PCDHA10: variants seen among roughly 807,000 people sequenced by gnomAD.
PCDHA10 encodes the protein protocadherin alpha-10.
PCDHA10 carries 45 observed loss-of-function variants against 61.2 expected under a neutral mutation model. The observed-to-expected ratio is 0.74, with a 90% confidence interval of 0.58 to 0.94. The LOEUF is 0.94. Ranked by LOEUF, PCDHA10 falls within the 40% of genes least tolerant of loss-of-function variation. PCDHA10 has a pLI of 0.00. For missense variants in PCDHA10, 1,278 were observed against 1,236.2 expected, an observed-to-expected ratio of 1.03 and a Z score of -0.51; for synonymous variants, 602 against 548.8, an observed-to-expected ratio of 1.10 and a Z score of -1.35.
intron 1 of PCDHA10, among the ~76,000 whole-genome samples, chr5:140,886,020 A>G (rs1402901328): frequency 2.0e-5 from 3 of 152,182 alleles, no homozygotes; most frequent in African/African-American, 7.2e-5. Flanking sequence ...GATGCTATGT[A>G]TTCTTCACTA....
chr5:140,962,796 A>T (rs1248367259), intron 1 of PCDHA10, among the ~76,000 whole-genome samples: 1 of 152,222 alleles, frequency 6.6e-6, no homozygotes, highest in Non-Finnish European at 1.5e-5. Flanking sequence ...ACTACTTTGG[A>T]CAACTCTAAA....
intron 3 of PCDHA10, among the ~76,000 whole-genome samples, chr5:140,994,538 A>G (rs1554254218): frequency 1.8e-5 from 2 of 111,930 alleles, no homozygotes; most frequent in African/African-American, 9.1e-5. Context: ...CCCCATCTCT[A>G]CAAAAAAAAT....
chr5:140,883,231 G>A, intron 1 of PCDHA10: 1 of 1,613,930 alleles, frequency 6.2e-7, no homozygotes, highest in Non-Finnish European at 8.5e-7. Context: ...TATCCGTGGA[G>A]GCAGTTGACA....
rs147581214 is a variant in PCDHA10, at chr5:140,857,154, C to G, written c.1106C>G (p.Ala369Gly). 87 of 1,598,228 alleles carry G rather than the reference C, an allele frequency of 5.4e-5. 8 individuals carry two copies. Among genetic ancestry groups the G allele is most frequent in the Non-Finnish European group, 7.1e-5 (83 of 1,167,802 alleles). The change falls in exon 1 of 4, where the codon GCC (alanine) becomes GGC (glycine). Residue 369 changes from alanine (A) to glycine (G), a missense_variant. Physicochemically the swap from Ala to Gly is moderately conservative, Grantham distance 60. Coordinates refer to ENST00000307360, the MANE Select transcript of PCDHA10 (RefSeq NM_018901.4). ...GATGCTCAAGTGGGCACCGTCATTG[C>G]CCTAATCAGCGTTTCTGACCATGAT... Reference protein sequence around the residue: ...KEDAQVGTVIALISVSDHDSG... With the variant: ...KEDAQVGTVIGLISVSDHDSG...
intron 3 of PCDHA10, among the ~76,000 whole-genome samples, chr5:140,994,795 G>A (rs2097650396): frequency 6.6e-6 from 1 of 152,184 alleles, no homozygotes; most frequent in Admixed American, 6.6e-5. Flanking sequence ...ATGCGTGCAT[G>A]CAAAAACAAA....
In PCDHA10 at chr5:141,010,171, A is replaced by G. The variant is rs2098416277; in HGVS notation, c.*234A>G. On this transcript the variant is annotated 3_prime_UTR_variant, in exon 4 of 4. Transcript: ENST00000307360. ...CCACTCTGGCTTGTTTTCAGAACCTAAAAAGCAGACCCAAGTTTCCTTTCT... is the reference window on the plus strand; with the variant it reads ...CCACTCTGGCTTGTTTTCAGAACCTGAAAAGCAGACCCAAGTTTCCTTTCT... The G allele has an allele frequency of 3.2e-6, 5 of 1,559,030 alleles. No individual in the cohort carries two copies. Among genetic ancestry groups the G allele is most frequent in the Non-Finnish European group, 4.3e-6 (5 of 1,150,704 alleles).
chr5:141,005,463 G>A (rs2098214977), intron 3 of PCDHA10, among the ~76,000 whole-genome samples: 1 of 151,944 alleles, frequency 6.6e-6, no homozygotes. Context: ...CAGCACTTTG[G>A]GAGGCCGAGA....
At chr5:140,877,041 A>C (rs782570873) in intron 1 of PCDHA10, 1 of 1,612,586 alleles carries the variant, frequency 6.2e-7, no homozygotes, top group Non-Finnish European at 8.5e-7. Context: ...TGCAGCCGCT[A>C]GACCACGAGG....
At chr5:140,933,512 A>C (rs2089201610) in intron 1 of PCDHA10, among the ~76,000 whole-genome samples, 1 of 152,078 alleles carries the variant, frequency 6.6e-6, no homozygotes, top group African/African-American at 2.4e-5. Context: ...CAAAGACTAC[A>C]GCTGTTTTGT....
At chr5:140,863,248 G>T (rs782700291) in intron 1 of PCDHA10, 54 of 1,395,948 alleles carry the variant, frequency 3.9e-5, no homozygotes, top group Middle Eastern at 1.9e-4. Flanking sequence ...TTTGGCGGGC[G>T]TCGAGGTCCG....
At chr5:140,877,269 T>A in intron 1 of PCDHA10, 1 of 1,613,758 alleles carries the variant, frequency 6.2e-7, no homozygotes. Flanking sequence ...CGGTGGACGC[T>A]GACTCCGGCT....
At chr5:140,926,949 G>A in intron 1 of PCDHA10, 3 of 1,592,316 alleles carry the variant, frequency 1.9e-6, no homozygotes, top group Non-Finnish European at 2.6e-6. Context: ...GCGCTGCAGC[G>A]GGACAGCTCG....
chr5:140,921,165 A>G (rs959305878), intron 1 of PCDHA10, among the ~76,000 whole-genome samples: 1 of 151,798 alleles, frequency 6.6e-6, no homozygotes, highest in Admixed American at 6.6e-5. Context: ...TTTTTTTAAC[A>G]CACATAAAGC....
chr5:140,893,198 C>T (rs1242904411), intron 1 of PCDHA10, among the ~76,000 whole-genome samples: 2 of 152,164 alleles, frequency 1.3e-5, no homozygotes, highest in Admixed American at 6.5e-5. Flanking sequence ...AATAGTGCTG[C>T]AGTAAGTATG....
rs373157192 is a variant in PCDHA10 at position 140,869,487 on chromosome 5, C to T, written c.2388+11051C>T. On this transcript the variant is annotated intron_variant, in intron 1 of 3. Transcript: ENST00000307360. ...ACGTGGAGGTGAAGGACATTAACGA[C>T]AACCCGCCGGTGTTCTCGCTCAGAG... The T allele has an allele frequency of 5.2e-5, 84 of 1,614,180 alleles. No homozygotes were observed. The African/African-American group carries it at 8.9e-4, about 17-fold the overall frequency.
At chr5:140,893,416 G>A (rs1351047268) in intron 1 of PCDHA10, among the ~76,000 whole-genome samples, 1 of 152,136 alleles carries the variant, frequency 6.6e-6, no homozygotes, top group Non-Finnish European at 1.5e-5. Context: ...ACTTAGGGAG[G>A]CAGAGGCAGG....
intron 1 of PCDHA10, chr5:140,928,055 C>T (rs1554205406): frequency 8.1e-6 from 13 of 1,614,066 alleles, no homozygotes; most frequent in South Asian, 3.3e-5. Context: ...TTTCAGCTGA[C>T]GGCTTCCTTT....
chr5:140,988,444 A>G (rs1554250146), intron 3 of PCDHA10, among the ~76,000 whole-genome samples: 1 of 152,112 alleles, frequency 6.6e-6, no homozygotes, highest in Non-Finnish European at 1.5e-5. Flanking sequence ...GATTGACCTG[A>G]AGGGAGGAAG....
intron 1 of PCDHA10, among the ~76,000 whole-genome samples, chr5:140,919,265 T>A (rs534045587): frequency 4.3e-4 from 66 of 152,394 alleles, no homozygotes. Flanking sequence ...GATATTAGTG[T>A]AGTCACTCCA....
Sources: gnomAD v4.1 joint callset for allele counts (sites outside exome capture counted in the v4.1 genomes callset) on GRCh38, gnomAD v4.1.1 for gene constraint, MANE v1.5 for transcripts, NCBI Gene and HGNC (gene_info 2026-07-23, HGNC 2026-07-21) for gene names.